PTPRJ: variants seen among roughly 807,000 people sequenced by gnomAD.
PTPRJ encodes protein tyrosine phosphatase receptor type J, also known as receptor-type tyrosine-protein phosphatase eta.
In PTPRJ, 129 loss-of-function variants were observed where a neutral mutation model predicts 141.3. That is an observed-to-expected ratio of 0.91 (90% CI 0.79 to 1.06). The LOEUF (loss-of-function observed/expected upper bound fraction) is 1.06, where lower values mean the gene tolerates loss of function less well. Ranked by LOEUF, PTPRJ falls within the 50% of genes least tolerant of loss-of-function variation. PTPRJ has a pLI of 0.00. For missense variants in PTPRJ, 1,601 were observed against 1,679.7 expected (o/e 0.95, Z 0.82); for synonymous variants, 610 against 640.5 (o/e 0.95, Z 0.72).
Position 48,117,540 on chromosome 11 carries a change from C to CAAAA in PTPRJ, c.353-3431_353-3428dup, listed in dbSNP as rs71045545. ...TGGGCAACAGAGCAAGATTCTGTCT[C>CAAAA]AAAAAAAAAAAAAAAAAAAAAAAAA... On this transcript the variant is annotated intron_variant, in intron 3 of 24. Transcript: ENST00000418331. Among the ~76,000 whole-genome samples the CAAAA allele has an allele frequency of 1.3e-3, 25 of 19,692 alleles. 8 individuals are homozygous for CAAAA. Among genetic ancestry groups the CAAAA allele is most frequent in the African/African-American group, 1.7e-3 (7 of 4,144 alleles). The allele number at this position is 19,692 out of a possible 152,430, so 12.9% of individuals were successfully genotyped here. A position where few individuals can be genotyped will look rare whatever the true frequency, so the allele number is the denominator to read the frequency against.
intron 1 of PTPRJ, among the ~76,000 whole-genome samples, chr11:48,079,422 G>A (rs1290496474): frequency 6.6e-6 from 1 of 152,122 alleles, no homozygotes; most frequent in East Asian, 1.9e-4. Context: ...GCTCGTGTGT[G>A]TGTGTGTGTT....
chr11:48,163,748 AC>A, intron 23 of PTPRJ, 130 bp downstream of exon 23: 1 of 1,135,908 alleles, frequency 8.8e-7, no homozygotes, highest in East Asian at 2.6e-5. Context: ...TGGATAAGGA[AC>A]CATGGACTTA....
chr11:48,015,284 TA>T (rs1854921505), intron 1 of PTPRJ, among the ~76,000 whole-genome samples: 1 of 151,948 alleles, frequency 6.6e-6, no homozygotes, highest in Non-Finnish European at 1.5e-5. Flanking sequence ...GTTTCTGTGT[TA>T]TGGGCACCGA....
In PTPRJ at chr11:48,098,517, CTTTTTTT is replaced by C. The variant is rs762125208; in HGVS notation, c.97-11526_97-11520del. Reference sequence around the variant, plus strand: ...ACCCACATTTCAAATCATTTTATCTCTTTTTTTTTTTTTTTTTTTTTGAGACGGAGTT... The same window carrying C: ...ACCCACATTTCAAATCATTTTATCTCTTTTTTTTTTTTTTGAGACGGAGTT... On this transcript the variant is annotated intron_variant, in intron 1 of 24. Coordinates refer to ENST00000418331, the MANE Select transcript of PTPRJ (RefSeq NM_002843.4). Among the ~76,000 whole-genome samples the C allele has an allele frequency of 2.2e-4, 8 of 36,358 alleles. 1 individual carries two copies. The highest frequency in any genetic ancestry group is 4.1e-4 in the African/African-American group (7 of 17,250). The allele number at this position is 36,358 out of a possible 152,430, so 23.9% of individuals were successfully genotyped here.
intron 1 of PTPRJ, among the ~76,000 whole-genome samples, chr11:47,994,376 C>T (rs1319686704): frequency 2.6e-5 from 4 of 151,846 alleles, no homozygotes; most frequent in African/African-American, 7.3e-5. Context: ...TGAGGTGGGC[C>T]GGGCACCGTG....
At chr11:48,047,095 T>TA (rs1391497757) in intron 1 of PTPRJ, among the ~76,000 whole-genome samples, 1 of 151,680 alleles carries the variant, frequency 6.6e-6, no homozygotes, top group Admixed American at 6.6e-5. Context: ...TTTGTATTTT[T>TA]ACTAGAGATG....
chr11:48,153,264 G>A (rs1857524533), intron 18 of PTPRJ, among the ~76,000 whole-genome samples: 1 of 115,346 alleles, frequency 8.7e-6, no homozygotes. Context: ...GCTGGGCATG[G>A]TGGCTCACGC....
rs879001248 is a variant in PTPRJ, at chr11:48,167,601, CT to C, written c.*252del. The C allele has an allele frequency of 0.084, 24,274 of 290,160 alleles. 4 individuals are homozygous for C. The highest frequency in any genetic ancestry group is 0.12 in the Middle Eastern group (127 of 1,058). The allele number at this position is 290,160 out of a possible 1,614,324, so 18.0% of individuals were successfully genotyped here. A position where few individuals can be genotyped will look rare whatever the true frequency, so the allele number is the denominator to read the frequency against. On this transcript the variant is annotated 3_prime_UTR_variant, in exon 25 of 25. Transcript: ENST00000418331. ...CCTGATGACCAATGGGATGAGGTCA[CT>C]TTTTTTTTTTTTCCCCCTTGAGGAT... is the stretch of plus-strand genomic sequence containing the variant.
intron 1 of PTPRJ, among the ~76,000 whole-genome samples, chr11:48,076,108 C>G (rs1488384859): frequency 6.6e-6 from 1 of 152,200 alleles, no homozygotes; most frequent in Non-Finnish European, 1.5e-5. Context: ...GGGTTCCAGT[C>G]TCACCCATCT....
chr11:48,167,151 A>C, intron 24 of PTPRJ, 53 bp from the exon 25 acceptor site: 1 of 1,535,912 alleles, frequency 6.5e-7, no homozygotes, highest in African/African-American at 1.4e-5. Context: ...TTTGGGTGCT[A>C]ATTTCTGGGA....
intron 1 of PTPRJ, among the ~76,000 whole-genome samples, chr11:48,078,978 C>T (rs1258094579): frequency 3.3e-5 from 5 of 151,744 alleles, no homozygotes; most frequent in Admixed American, 3.3e-4. Context: ...TCAGCAGACC[C>T]CAGGTGTAGA....
chr11:48,138,791 AT>A (rs1429348922), intron 10 of PTPRJ, among the ~76,000 whole-genome samples: 3 of 152,120 alleles, frequency 2.0e-5, no homozygotes, highest in African/African-American at 7.2e-5. Context: ...GCCTCTGTGG[AT>A]TTATCTGCAG....
intron 22 of PTPRJ, among the ~76,000 whole-genome samples, chr11:48,161,677 A>G (rs777953774): frequency 2.6e-5 from 4 of 151,978 alleles, no homozygotes; most frequent in Non-Finnish European, 4.4e-5. Context: ...CAGTAGCACA[A>G]TCTCAGCTCA....
intron 1 of PTPRJ, among the ~76,000 whole-genome samples, chr11:48,034,551 T>C (rs990359464): frequency 2.0e-5 from 3 of 152,226 alleles, no homozygotes; most frequent in Admixed American, 6.5e-5. Flanking sequence ...ATCATTAGAA[T>C]AGTGCCTGGT....
intron 15 of PTPRJ, 105 bp from the exon 16 acceptor site, chr11:48,149,342 G>A (rs1857423219): frequency 2.5e-6 from 2 of 785,556 alleles, no homozygotes; most frequent in Non-Finnish European, 4.3e-6. Context: ...TGAGGAAAAG[G>A]TGTAACACCT....
intron 14 of PTPRJ, among the ~76,000 whole-genome samples, chr11:48,145,347 A>G (rs994017098): frequency 2.0e-5 from 3 of 152,126 alleles, no homozygotes; most frequent in Non-Finnish European, 4.4e-5. Flanking sequence ...TCTAAGTGCC[A>G]GTTGTTCTTC....
At chr11:48,032,480 G>A (rs1261345955) in intron 1 of PTPRJ, among the ~76,000 whole-genome samples, 1 of 152,202 alleles carries the variant, frequency 6.6e-6, no homozygotes, top group African/African-American at 2.4e-5. Flanking sequence ...TAGGCCGGGT[G>A]CGGTGGCTCA....
chr11:48,164,313 G>C, intron 23 of PTPRJ, 67 bp from the exon 24 acceptor site: 2 of 1,575,226 alleles, frequency 1.3e-6, no homozygotes, highest in Non-Finnish European at 1.7e-6. Flanking sequence ...ATGTACAAAT[G>C]AGGAACTCTA....
Position 48,128,018 on chromosome 11 carries a change from G to A in PTPRJ, c.1332G>A (p.Thr444=), listed in dbSNP as rs1227749859. The part of the protein sequence containing the change: ...VCPVLGDIEG[T]PGFLQVHTPP... ...CTGTCCTAGGTGACATCGAGGGCAC[G>A]CCGGGCTTCCTCCAAGTGCACACCC... is the stretch of plus-strand genomic sequence containing the variant. The change falls in exon 7 of 25, where the codon ACG becomes ACA. Residue 444 remains threonine, a synonymous_variant. Transcript: ENST00000418331. The A allele has an allele frequency of 5.6e-6, 9 of 1,613,236 alleles. No homozygotes were observed. The highest frequency in any genetic ancestry group is 2.2e-5 in the South Asian group (2 of 91,074).
Sources: gnomAD v4.1 joint callset for allele counts (sites outside exome capture counted in the v4.1 genomes callset) on GRCh38, gnomAD v4.1.1 for gene constraint, MANE v1.5 for transcripts, NCBI Gene and HGNC (gene_info 2026-07-23, HGNC 2026-07-21) for gene names.